Variants in KIF13B observed in about 807,000 individuals in gnomAD.
KIF13B encodes the protein kinesin family member 13B.
In KIF13B, 127 loss-of-function variants were observed where a neutral mutation model predicts 222.0. That is an observed-to-expected ratio of 0.57 (90% confidence interval 0.50 to 0.66). KIF13B has a LOEUF of 0.66. KIF13B is among the 30% of genes least tolerant of loss of function. KIF13B has a pLI of 0.00. For missense variants in KIF13B, 2,173 were observed against 2,379.0 expected, an observed-to-expected ratio of 0.91 and a Z score of 1.80; for synonymous variants, 976 against 919.0, an observed-to-expected ratio of 1.06 and a Z score of -1.12.
At position 29,070,576 on chromosome 8, in the gene KIF13B, C is replaced by G; in HGVS notation, c.5409G>C (p.Ser1803=). 6.2e-7 allele frequency: 1 copy of G among 1,604,146 alleles called. No individual in the cohort carries two copies. The highest frequency in any genetic ancestry group is 8.5e-7 in the Non-Finnish European group (1 of 1,175,760). Residue 1803 remains serine (S), a synonymous_variant, in exon 40 of 40, where the codon TCG becomes TCC. Transcript: ENST00000524189. This position sits in a 1 kb window ranked among gnomAD's most constrained non-coding sequence, Gnocchi z 4.1. ...CGGCCTTGGCCAGGGCAGCTGTCAG[C>G]GAGGCCAGGTTGGTGGCGGAGCCCG... The part of the protein sequence containing the change: ...TLSGSATNLA[S]LTAALAKADR...
chr8:29,188,561 A>G lies in KIF13B; in HGVS notation c.270T>C (p.Asn90=). 11 of 1,612,622 alleles carry G rather than the reference A, an allele frequency of 6.8e-6. No homozygotes were observed. Among genetic ancestry groups the G allele is most frequent in the Non-Finnish European group, 9.3e-6 (11 of 1,178,880 alleles). The change falls in exon 5 of 40, where the codon AAT becomes AAC. Residue 90 remains asparagine (N), a synonymous_variant. Coordinates refer to ENST00000524189, the MANE Select transcript of KIF13B (RefSeq NM_015254.4). ...FKCLGENILQ[N]AFDGYNACIF... ...TACATGCATTGTAGCCATCAAAAGC[A>G]TTCTGCAGGATATTCTCTCCAAGGC...
chr8:29,240,356 G>C (rs894593298), intron 2 of KIF13B, among the ~76,000 whole-genome samples: 6 of 148,630 alleles, frequency 4.0e-5, no homozygotes, highest in Non-Finnish European at 5.9e-5. Context: ...TTTCACGTAA[G>C]AATGTCCTCC....
At chr8:29,134,875 G>A (rs995435611) in intron 21 of KIF13B, among the ~76,000 whole-genome samples, 1 of 152,126 alleles carries the variant, frequency 6.6e-6, no homozygotes, top group Non-Finnish European at 1.5e-5. Flanking sequence ...ATGCAGATTT[G>A]GGGGAAGGTG....
intron 2 of KIF13B, among the ~76,000 whole-genome samples, chr8:29,243,635 G>A (rs1410260025): frequency 6.6e-6 from 1 of 150,402 alleles, no homozygotes; most frequent in Non-Finnish European, 1.5e-5. Flanking sequence ...CAGCCTGGGC[G>A]ACAGAGTGAG....
At chr8:29,095,817 A>G (rs1343265044) in intron 36 of KIF13B, among the ~76,000 whole-genome samples, 3 of 152,188 alleles carry the variant, frequency 2.0e-5, no homozygotes. Context: ...CTTCAGGCTA[A>G]AAAGAAATAA....
At chr8:29,160,891 T>C (rs1811747490) in intron 12 of KIF13B, 24 bp from the exon 13 acceptor site, 1 of 1,607,376 alleles carries the variant, frequency 6.2e-7, no homozygotes, top group Non-Finnish European at 8.5e-7. Context: ...CAGAGAAGTA[T>C]TAATTTCACA....
At chr8:29,095,815 T>G (rs1260593403) in intron 36 of KIF13B, among the ~76,000 whole-genome samples, 1 of 151,834 alleles carries the variant, frequency 6.6e-6, no homozygotes, top group Admixed American at 6.6e-5. Flanking sequence ...TTCTTCAGGC[T>G]AAAAAGAAAT....
At chr8:29,095,981 TTTTTG>T (rs1304561014) in intron 36 of KIF13B, among the ~76,000 whole-genome samples, 1 of 149,892 alleles carries the variant, frequency 6.7e-6, no homozygotes, top group African/African-American at 2.5e-5. Flanking sequence ...TTTTGTTTGT[TTTTTG>T]TTTTTTTTTT....
chr8:29,159,461 A>G (rs1329515219), intron 13 of KIF13B, among the ~76,000 whole-genome samples: 1 of 152,118 alleles, frequency 6.6e-6, no homozygotes, highest in East Asian at 1.9e-4. Context: ...ATAATATATC[A>G]TTTTTTAATA....
intron 35 of KIF13B, among the ~76,000 whole-genome samples, chr8:29,104,993 GTCTC>G (rs749972739): frequency 3.3e-5 from 5 of 151,388 alleles, no homozygotes; most frequent in Middle Eastern, 3.4e-3. Flanking sequence ...GGAAGACAGG[GTCTC>G]TCTCTGTCAC....
At chr8:29,101,532 T>A (rs2133579429) in intron 35 of KIF13B, among the ~76,000 whole-genome samples, 1 of 152,234 alleles carries the variant, frequency 6.6e-6, no homozygotes, top group African/African-American at 2.4e-5. Flanking sequence ...CAGGGGCAGT[T>A]CTTCCCAGCA....
rs1810001870 is a variant in KIF13B at position 29,124,134 on chromosome 8, G to A, written c.3253-11C>T. The A allele has an allele frequency of 6.6e-7, 1 of 1,516,064 alleles. No homozygotes were observed. Among genetic ancestry groups the A allele is most frequent in the South Asian group, 1.1e-5 (1 of 88,214 alleles). The allele number at this position is 1,516,064 out of a possible 1,614,324, so 93.9% of individuals were successfully genotyped here. A position where few individuals can be genotyped will look rare whatever the true frequency, so the allele number is the denominator to read the frequency against. On this transcript the variant is annotated splice_polypyrimidine_tract_variant and intron_variant, in intron 26 of 39. Transcript: ENST00000524189. The stretch of plus-strand genomic sequence containing the variant: ...CTCTAAATCTCGATCCTGGAAGCAA[G>A]CAAGGAAAATCATATTCAATGTAAT...
chr8:29,125,678 G>A (rs527944370), intron 26 of KIF13B, among the ~76,000 whole-genome samples: 91 of 150,970 alleles, frequency 6.0e-4, no homozygotes, highest in Admixed American at 1.1e-3. Flanking sequence ...AGTCCTGAAC[G>A]ATGACTAACA....
Position 29,142,213 on chromosome 8 carries a change from G to T in KIF13B, c.2278C>A (p.Leu760Met). The T allele has an allele frequency of 6.2e-7, 1 of 1,613,318 alleles. No individual in the cohort carries two copies. The highest frequency in any genetic ancestry group is 8.5e-7 in the Non-Finnish European group (1 of 1,179,342). The change falls in exon 19 of 40, where the codon CTG (leucine) becomes ATG (methionine). Residue 760 changes from leucine (L) to methionine (M), a missense_variant. By Grantham distance (15) the Leu-to-Met change is conservative. Around this residue, in one of 2 missense-constraint regions of KIF13B, gnomAD observed 1,480 missense variants for 1,722.8 expected, o/e 0.86. Coordinates refer to ENST00000524189, the MANE Select transcript of KIF13B (RefSeq NM_015254.4). The stretch of plus-strand genomic sequence containing the variant: ...TGATAAAGGTCTCTCATATCCAACA[G>T]CCTGTTGTCCAGTTTTTCCAAAGAC... The part of the protein sequence containing the change: ...IWSLEKLDNR[L>M]LDMRDLYQEW...
intron 13 of KIF13B, among the ~76,000 whole-genome samples, chr8:29,157,819 A>T (rs139825721): frequency 0.014 from 2,149 of 150,860 alleles, 54 homozygotes; most frequent in African/African-American, 0.049. Context: ...TGACAGAACA[A>T]GACCCTGCCT....
chr8:29,216,179 C>T (rs1323342083), intron 2 of KIF13B, among the ~76,000 whole-genome samples: 2 of 152,164 alleles, frequency 1.3e-5, no homozygotes, highest in African/African-American at 2.4e-5. Context: ...CTTTAATACA[C>T]CAACCCTACA....
intron 37 of KIF13B, among the ~76,000 whole-genome samples, chr8:29,082,448 G>T (rs1001710218): frequency 6.6e-6 from 1 of 152,004 alleles, no homozygotes; most frequent in African/African-American, 2.4e-5. Context: ...ATAACAGCCT[G>T]GGCAACATAC....
intron 14 of KIF13B, among the ~76,000 whole-genome samples, chr8:29,153,651 T>G (rs905652161): frequency 1.4e-5 from 2 of 144,502 alleles, no homozygotes; most frequent in East Asian, 4.0e-4. Context: ...AGGCTCTTCC[T>G]CCCACAAGGA....
rs543855400 is a variant in KIF13B, at chr8:29,197,153, C to T, written c.150-954G>A. ...GAAATCGAGACCATCCCGGCTAAAA[C>T]GGTGAAACCCCGTCTCTACTAAAAA... is the stretch of plus-strand genomic sequence containing the variant. On this transcript the variant is annotated intron_variant, in intron 2 of 39. Coordinates refer to ENST00000524189, the MANE Select transcript of KIF13B (RefSeq NM_015254.4). 5.8e-4 allele frequency among the ~76,000 whole-genome samples: 87 copies of T among 151,272 alleles called. 1 individual carries two copies. The highest frequency in any genetic ancestry group is 1.9e-3 in the African/African-American group (80 of 41,212).
Sources: allele counts gnomAD v4.1 joint callset (sites outside exome capture counted in the v4.1 genomes callset), GRCh38; gene constraint gnomAD v4.1.1; regional missense constraint gnomAD v4.1.1; non-coding constraint Gnocchi (gnomAD v3.1); transcripts MANE v1.5; gene names NCBI Gene and HGNC (gene_info 2026-07-23, HGNC 2026-07-21).